Variants in AKAP13 observed in about 807,000 individuals in gnomAD.
AKAP13 encodes the protein A-kinase anchoring protein 13, also known as A-kinase anchor protein 13.
Under a neutral mutation model 264.5 loss-of-function variants are expected in AKAP13, and 80 were observed. The ratio of observed to expected loss-of-function variants is 0.30; its 90% CI spans 0.25 to 0.36. AKAP13 has a LOEUF of 0.36. AKAP13 is among the 10% of genes least tolerant of loss of function. The pLI is 1.00. For synonymous variants in AKAP13, 1,380 were observed against 1,250.2 expected (o/e 1.10, Z -2.19); for missense variants, 3,712 against 3,435.2 (o/e 1.08, Z -2.01).
intron 14 of AKAP13, among the ~76,000 whole-genome samples, chr15:85,674,261 C>G (rs2151579171): frequency 6.6e-6 from 1 of 152,244 alleles, no homozygotes; most frequent in South Asian, 2.1e-4. Flanking sequence ...CGTTCGAGCA[C>G]CAACATGATG....
intron 4 of AKAP13, among the ~76,000 whole-genome samples, chr15:85,542,487 G>A (rs2151210688): frequency 6.6e-6 from 1 of 152,326 alleles, no homozygotes; most frequent in Non-Finnish European, 1.5e-5. Flanking sequence ...ACGTATAGAA[G>A]CATTTGAGGA....
At chr15:85,616,961 C>G (rs1444349771) in intron 8 of AKAP13, among the ~76,000 whole-genome samples, 1 of 152,180 alleles carries the variant, frequency 6.6e-6, no homozygotes, top group Non-Finnish European at 1.5e-5. Context: ...GCAGAAAGAG[C>G]AGGAAATCTA....
At chr15:85,410,759 G>GAATC (rs1782416045) in intron 1 of AKAP13, among the ~76,000 whole-genome samples, 1 of 151,410 alleles carries the variant, frequency 6.6e-6, no homozygotes, top group African/African-American at 2.4e-5. Flanking sequence ...TTTCCTCCTT[G>GAATC]AATCCTTCTC....
At chr15:85,743,335 A>G (rs1385221046) in intron 35 of AKAP13, among the ~76,000 whole-genome samples, 157 bp from the exon 36 acceptor site, 1 of 152,204 alleles carries the variant, frequency 6.6e-6, no homozygotes, top group Non-Finnish European at 1.5e-5. Context: ...GAAACCTTCA[A>G]GCTCTATGCA....
In AKAP13 at chr15:85,723,099, C is replaced by T; in HGVS notation, c.6524C>T (p.Ala2175Val). The T allele has an allele frequency of 6.2e-7, 1 of 1,614,104 alleles. No homozygotes were observed. Residue 2175 changes from alanine to valine, a missense_variant, in exon 26 of 37, where the codon GCA (alanine) becomes GTA (valine). This residue lies in a region of AKAP13 where 342 missense variants were observed against 484.3 expected (regional missense o/e 0.71). Transcript: ENST00000394518. ...AATGAAGTGGAGCAGGAAGATCTAG[C>T]ACAGTCCTTGAGCCTGGTGAAGGAT... ...KDNEVEQEDLAQSLSLVKDVI... is the reference protein window; with the variant it reads ...KDNEVEQEDLVQSLSLVKDVI...
chr15:85,574,320 G>A (rs764843774), intron 5 of AKAP13, among the ~76,000 whole-genome samples: 4 of 152,204 alleles, frequency 2.6e-5, no homozygotes, highest in South Asian at 2.1e-4. Context: ...TGCAGATTAT[G>A]TGTGGTATCA....
At chr15:85,457,614 C>T (rs2074328502) in intron 1 of AKAP13, among the ~76,000 whole-genome samples, 1 of 152,202 alleles carries the variant, frequency 6.6e-6, no homozygotes, top group Non-Finnish European at 1.5e-5. Context: ...CAGCTGTTTC[C>T]TCGGGTTGCA....
At chr15:85,419,116 T>C (rs998963769) in intron 1 of AKAP13, among the ~76,000 whole-genome samples, 3 of 152,240 alleles carry the variant, frequency 2.0e-5, no homozygotes, top group Admixed American at 6.5e-5. Context: ...CTTTGTATAT[T>C]TTTGAACATT....
chr15:85,721,739 TTTG>T (rs753361405), intron 23 of AKAP13, among the ~76,000 whole-genome samples: 7 of 152,262 alleles, frequency 4.6e-5, no homozygotes, highest in Non-Finnish European at 7.3e-5. Context: ...TCTTTAATTT[TTTG>T]TTGTTTTTCA....
At chr15:85,442,491 A>ATTT (rs2073720998) in intron 1 of AKAP13, among the ~76,000 whole-genome samples, 1 of 109,674 alleles carries the variant, frequency 9.1e-6, no homozygotes, top group Non-Finnish European at 1.9e-5. Flanking sequence ...AATATATATA[A>ATTT]TATATATTAT....
chr15:85,643,166 T>A (rs1171899832), intron 9 of AKAP13, among the ~76,000 whole-genome samples: 1 of 151,744 alleles, frequency 6.6e-6, no homozygotes, highest in Non-Finnish European at 1.5e-5. Flanking sequence ...GATTTTCAGA[T>A]TCATCCATGA....
intron 1 of AKAP13, among the ~76,000 whole-genome samples, chr15:85,445,085 C>T (rs2073852994): frequency 6.6e-6 from 1 of 152,158 alleles, no homozygotes; most frequent in African/African-American, 2.4e-5. Flanking sequence ...AAGCCCTTAT[C>T]CTCTGATCTC....
At chr15:85,613,713 T>TATATATATATG in intron 8 of AKAP13, among the ~76,000 whole-genome samples, 1 of 111,006 alleles carries the variant, frequency 9.0e-6, no homozygotes, top group South Asian at 3.4e-4. Context: ...TATATATATA[T>TATATATATATG]TAGGAGTGCT....
chr15:85,469,710 C>G (rs2074890928), intron 1 of AKAP13, among the ~76,000 whole-genome samples: 1 of 152,184 alleles, frequency 6.6e-6, no homozygotes, highest in African/African-American at 2.4e-5. Flanking sequence ...GACCCCTGAA[C>G]AGAGAATCTT....
At chr15:85,719,972 C>A (rs1049441419) in intron 23 of AKAP13, among the ~76,000 whole-genome samples, 1 of 151,804 alleles carries the variant, frequency 6.6e-6, no homozygotes, top group African/African-American at 2.4e-5. Context: ...CTGGCTCACA[C>A]CTGTAATCCC....
At chr15:85,702,727 G>A (rs756227537) in intron 17 of AKAP13, 5 of 152,150 alleles carry the variant, frequency 3.3e-5, no homozygotes, top group Non-Finnish European at 5.9e-5. Flanking sequence ...CAAGAAACTG[G>A]GACTTTTTAT....
At chr15:85,458,306 C>G (rs775857255) in intron 1 of AKAP13, among the ~76,000 whole-genome samples, 1 of 151,174 alleles carries the variant, frequency 6.6e-6, no homozygotes, top group Admixed American at 6.6e-5. Context: ...GAAAATTACC[C>G]ATAATTGTAA....
intron 7 of AKAP13, chr15:85,582,797 T>A: frequency 2.3e-6 from 2 of 875,108 alleles, no homozygotes; most frequent in Non-Finnish European, 2.7e-6. Context: ...CCCTGCACAG[T>A]GCAGGGGATA....
chr15:85,643,032 AC>A (rs5814210), intron 9 of AKAP13, among the ~76,000 whole-genome samples: 59,505 of 149,880 alleles, frequency 0.4, 12,254 homozygotes, highest in East Asian at 0.57. Context: ...AAAAAAAAAA[AC>A]CTCCAGAATA....
Sources: allele counts gnomAD v4.1 joint callset (sites outside exome capture counted in the v4.1 genomes callset), GRCh38; gene constraint gnomAD v4.1.1; regional missense constraint gnomAD v4.1.1; transcripts MANE v1.5; gene names NCBI Gene and HGNC (gene_info 2026-07-23, HGNC 2026-07-21).